RAB25: variants seen among roughly 807,000 people sequenced by gnomAD.
The protein encoded by RAB25 is RAB25, member RAS oncogene family, also known as ras-related protein Rab-25.
RAB25 carries 23 observed loss-of-function variants against 25.2 expected under a neutral mutation model. The ratio of observed to expected loss-of-function variants is 0.91; its 90% CI spans 0.66 to 1.29. The LOEUF is 1.29. RAB25 is among the 50% of genes most tolerant of loss of function. RAB25 has a pLI of 0.00. For synonymous variants in RAB25, 102 were observed against 111.5 expected, an observed-to-expected ratio of 0.91 and a Z score of 0.54; for missense variants, 244 against 277.3, an observed-to-expected ratio of 0.88 and a Z score of 0.85.
Position 156,070,339 on chromosome 1 carries a change from A to G in RAB25, c.*52A>G. The G allele has an allele frequency of 6.3e-7, 1 of 1,594,262 alleles. No homozygotes were observed. Among genetic ancestry groups the G allele is most frequent in the Non-Finnish European group, 8.6e-7 (1 of 1,169,112 alleles). ...TGGCTTTTTGGTGCCCCTTGTCCCCACTTCAGCCCCAGGACCTTTCCTTGC... is the reference window on the plus strand; with the variant it reads ...TGGCTTTTTGGTGCCCCTTGTCCCCGCTTCAGCCCCAGGACCTTTCCTTGC... On this transcript the variant is annotated 3_prime_UTR_variant, in exon 5 of 5. Transcript: ENST00000361084.
At chr1:156,067,316 T>C (rs2102771000) in intron 2 of RAB25, among the ~76,000 whole-genome samples, 1 of 151,798 alleles carries the variant, frequency 6.6e-6, no homozygotes, top group Middle Eastern at 3.5e-3. Context: ...TGTGTGTATA[T>C]GGGGTGGATA....
At chr1:156,062,952 G>A (rs1647625288) in intron 1 of RAB25, among the ~76,000 whole-genome samples, 1 of 151,408 alleles carries the variant, frequency 6.6e-6, no homozygotes, top group Non-Finnish European at 1.5e-5. Flanking sequence ...TACTCGGGAG[G>A]CTGAGACAGG....
Position 156,070,307 on chromosome 1 carries a change from C to A in RAB25, c.*20C>A, listed in dbSNP as rs1647870602. On this transcript the variant is annotated 3_prime_UTR_variant, in exon 5 of 5. Coordinates refer to ENST00000361084, the MANE Select transcript of RAB25 (RefSeq NM_020387.4). ...CTCTGACCTTGGCCAGCACCACCTG[C>A]CCCCACTGGCTTTTTGGTGCCCCTT... 2 of 1,609,236 alleles carry A rather than the reference C, an allele frequency of 1.2e-6. No homozygotes were observed.
Position 156,061,217 on chromosome 1 carries a change from C to T in RAB25, c.-184C>T, listed in dbSNP as rs1432330201. The T allele has an allele frequency of 6.1e-6, 4 of 651,478 alleles. No individual in the cohort carries two copies. In the African/African-American group the frequency reaches 7.2e-5, roughly 12 times the overall value. The allele number at this position is 651,478 out of a possible 1,614,324, so 40.4% of individuals were successfully genotyped here. The stretch of plus-strand genomic sequence containing the variant: ...ACCCCCACCTGCCAGAGCTGATCCT[C>T]CCTAGGCCCTGCCTAACCTTGAGTT... On this transcript the variant is annotated 5_prime_UTR_variant, in exon 1 of 5. Coordinates refer to ENST00000361084, the MANE Select transcript of RAB25 (RefSeq NM_020387.4).
intron 4 of RAB25, 87 bp from the exon 5 acceptor site, chr1:156,070,073 G>T (rs1647862150): frequency 6.2e-7 from 1 of 1,600,996 alleles, no homozygotes; most frequent in Admixed American, 1.7e-5. Flanking sequence ...TGCTCAGAAG[G>T]GGCATGCAGT....
In RAB25 at chr1:156,068,261, C is replaced by G; in HGVS notation, c.240-9C>G. The G allele has an allele frequency of 6.2e-7, 1 of 1,603,314 alleles. No individual in the cohort carries two copies. The highest frequency in any genetic ancestry group is 8.5e-7 in the Non-Finnish European group (1 of 1,170,598). On this transcript the variant is annotated splice_polypyrimidine_tract_variant and intron_variant, in intron 2 of 4. Coordinates refer to ENST00000361084, the MANE Select transcript of RAB25 (RefSeq NM_020387.4). ...CGTATCTCTGTCCATCCTTCTCATT[C>G]CCACCCAGGTACTATCGTGGTGCAG...
chr1:156,065,922 G>C lies in RAB25; in HGVS notation c.55G>C (p.Gly19Arg). Residue 19 changes from glycine to arginine, a missense_variant, in exon 2 of 5, where the codon GGC becomes CGC. Coordinates refer to ENST00000361084, the MANE Select transcript of RAB25 (RefSeq NM_020387.4). ...YNFVFKVVLI[G>R]ESGVGKTNLL... ...CTCCACTCCTTCAGTGGTGCTGATC[G>C]GCGAATCAGGTGTGGGGAAGACCAA... is the stretch of plus-strand genomic sequence containing the variant. The C allele has an allele frequency of 6.3e-7, 1 of 1,598,152 alleles. No individual in the cohort carries two copies.
chr1:156,062,827 C>T (rs1647621742), intron 1 of RAB25, among the ~76,000 whole-genome samples: 1 of 151,792 alleles, frequency 6.6e-6, no homozygotes, highest in African/African-American at 2.4e-5. Flanking sequence ...GCCGAGGCGG[C>T]GGGATCACTT....
chr1:156,066,930 A>C (rs1286334314), intron 2 of RAB25, among the ~76,000 whole-genome samples: 2 of 149,978 alleles, frequency 1.3e-5, no homozygotes, highest in Admixed American at 6.6e-5. Context: ...ACAAAGCGAT[A>C]CTGTGTCTCA....
At chr1:156,069,464 C>G (rs1209254449) in intron 3 of RAB25, among the ~76,000 whole-genome samples, 1 of 152,236 alleles carries the variant, frequency 6.6e-6, no homozygotes, top group Non-Finnish European at 1.5e-5. Context: ...CAGGCGTGAG[C>G]CACCGCACCC....
At chr1:156,062,575 G>A (rs1189739059) in intron 1 of RAB25, among the ~76,000 whole-genome samples, 5 of 152,128 alleles carry the variant, frequency 3.3e-5, no homozygotes, top group African/African-American at 1.2e-4. Flanking sequence ...GAAGGAAAGG[G>A]TTAGCAATAG....
At chr1:156,062,585 G>A (rs927762497) in intron 1 of RAB25, among the ~76,000 whole-genome samples, 5 of 152,144 alleles carry the variant, frequency 3.3e-5, no homozygotes, top group African/African-American at 1.2e-4. Context: ...GTTAGCAATA[G>A]TCTGGGGCAA....
At chr1:156,067,231 CAA>C (rs386368386) in intron 2 of RAB25, among the ~76,000 whole-genome samples, 8 of 114,064 alleles carry the variant, frequency 7.0e-5, no homozygotes, top group Admixed American at 8.8e-5. Flanking sequence ...GACTCTGTCT[CAA>C]AAAAAAAAAA....
chr1:156,070,265 G>T lies in RAB25; in HGVS notation c.620G>T (p.Arg207Met). 6.2e-7 allele frequency: 1 copy of T among 1,613,942 alleles called. No homozygotes were observed. Among genetic ancestry groups the T allele is most frequent in the Non-Finnish European group, 8.5e-7 (1 of 1,179,926 alleles). The change falls in exon 5 of 5, where the codon AGG becomes ATG. Residue 207 changes from arginine to methionine, a missense_variant. Arg to Met is a moderately conservative substitution (Grantham distance 91, BLOSUM62 -1). Transcript: ENST00000361084. ...AGQEPGPGEK[R>M]ACCISL is the part of the protein sequence containing the mutation. ...CAGGAGCCTGGCCCTGGGGAGAAGA[G>T]GGCCTGTTGCATCAGCCTCTGACCT...
chr1:156,066,736 C>T (rs1215384756), intron 2 of RAB25, among the ~76,000 whole-genome samples: 1 of 151,158 alleles, frequency 6.6e-6, no homozygotes, highest in Non-Finnish European at 1.5e-5. Flanking sequence ...CTCATGAATT[C>T]GAGACCAGCC....
chr1:156,069,363 T>C (rs542308030), intron 3 of RAB25, among the ~76,000 whole-genome samples: 1 of 152,104 alleles, frequency 6.6e-6, no homozygotes, highest in African/African-American at 2.4e-5. Flanking sequence ...GTATTTTTAG[T>C]GGAGACGGGG....
At chr1:156,063,011 G>A (rs1206882148) in intron 1 of RAB25, among the ~76,000 whole-genome samples, 1 of 143,524 alleles carries the variant, frequency 7.0e-6, no homozygotes, top group Non-Finnish European at 1.5e-5. Flanking sequence ...CCGAGACTGT[G>A]CCACTGCACT....
chr1:156,065,798 C>T (rs1454369513), intron 1 of RAB25, 113 bp from the exon 2 acceptor site: 1 of 844,880 alleles, frequency 1.2e-6, no homozygotes, highest in Non-Finnish European at 1.8e-6. Context: ...ACTCCGTTCC[C>T]TAATCTTTTT....
chr1:156,061,840 A>G (rs1490866357), intron 1 of RAB25, among the ~76,000 whole-genome samples: 1 of 152,068 alleles, frequency 6.6e-6, no homozygotes, highest in African/African-American at 2.4e-5. Flanking sequence ...GCTGGAGTGC[A>G]GTGGTACAAT....
Sources: gnomAD v4.1 joint callset for allele counts (sites outside exome capture counted in the v4.1 genomes callset) on GRCh38, gnomAD v4.1.1 for gene constraint, MANE v1.5 for transcripts, NCBI Gene and HGNC (gene_info 2026-07-23, HGNC 2026-07-21) for gene names.